DUSP29: variants seen among roughly 807,000 people sequenced by gnomAD.
The protein encoded by DUSP29 is dual specificity phosphatase 29, also known as atypical dual-specific protein phosphatase.
In DUSP29, 12 loss-of-function variants were observed where a neutral mutation model predicts 13.5. That is an observed-to-expected ratio of 0.89 (90% CI 0.57 to 1.44). The LOEUF is 1.44. DUSP29 is among the 40% of genes most tolerant of loss of function. The pLI, the probability that DUSP29 is intolerant of heterozygous loss-of-function variation, is 0.00. For synonymous variants in DUSP29, 134 were observed against 128.7 expected (o/e 1.04, Z -0.28); for missense variants, 308 against 301.1 (o/e 1.02, Z -0.17).
At chr10:75,055,157 A>G (rs1348685059) in intron 2 of DUSP29, among the ~76,000 whole-genome samples, 1 of 152,088 alleles carries the variant, frequency 6.6e-6, no homozygotes, top group Non-Finnish European at 1.5e-5. Context: ...CTTTCATTAT[A>G]GGAAATATTT....
At chr10:75,060,444 C>A (rs1319944659) in intron 1 of DUSP29, among the ~76,000 whole-genome samples, 1 of 150,298 alleles carries the variant, frequency 6.7e-6, no homozygotes, top group Non-Finnish European at 1.5e-5. Context: ...TCACTGCTCT[C>A]CTGGGCAACA....
intron 1 of DUSP29, among the ~76,000 whole-genome samples, chr10:75,068,136 T>TTATA (rs1488563960): frequency 6.6e-6 from 1 of 152,160 alleles, no homozygotes; most frequent in Non-Finnish European, 1.5e-5. Context: ...TTTTTAAAAA[T>TTATA]TATATACATA....
rs187214375 is a variant in DUSP29, at chr10:75,069,499, C to T, written c.-35+4070G>A. Among the ~76,000 whole-genome samples, 352 of 152,302 alleles carry T rather than the reference C, an allele frequency of 2.3e-3. 3 individuals carry two copies. Among genetic ancestry groups the T allele is most frequent in the African/African-American group, 8.2e-3 (341 of 41,558 alleles). ...CCTTGTTCGGGGAAGGGCAAGACTCCGCAGGTGCAGCCCTCACCATGGTCC... is the reference window on the plus strand; with the variant it reads ...CCTTGTTCGGGGAAGGGCAAGACTCTGCAGGTGCAGCCCTCACCATGGTCC... On this transcript the variant is annotated intron_variant, in intron 1 of 3. Coordinates refer to ENST00000338487, the MANE Select transcript of DUSP29 (RefSeq NM_001003892.3).
At chr10:75,065,162 A>G (rs1224391838) in intron 1 of DUSP29, among the ~76,000 whole-genome samples, 1 of 152,108 alleles carries the variant, frequency 6.6e-6, no homozygotes, top group Non-Finnish European at 1.5e-5. Flanking sequence ...ATGCTTTTTA[A>G]ACAAACAAAC....
At position 75,043,797 on chromosome 10, in the gene DUSP29, T is replaced by C. The variant is rs1446167717; in HGVS notation, c.421A>G (p.Ser141Gly). 2 of 1,611,886 alleles carry C rather than the reference T, an allele frequency of 1.2e-6. No individual in the cohort carries two copies. The highest frequency in any genetic ancestry group is 2.2e-5 in the South Asian group (2 of 91,048). The change falls in exon 3 of 4, where the codon AGT becomes GGT. Residue 141 changes from serine to glycine, a missense_variant and splice_region_variant. Transcript: ENST00000338487. ...CGGGGCGGGGCCGCGGGTCTCTTACTGTGGTCGTCGCTTAGCGCTCTGTCG... is the reference window on the plus strand; with the variant it reads ...CGGGGCGGGGCCGCGGGTCTCTTACCGTGGTCGTCGCTTAGCGCTCTGTCG... ...FIDRALSDDH[S>G]KILVHCVMGR...
chr10:75,038,178 G>A, intron 3 of DUSP29, 101 bp from the exon 4 acceptor site: 1 of 1,468,514 alleles, frequency 6.8e-7, no homozygotes, highest in Non-Finnish European at 9.1e-7. Context: ...CTCGCCCACA[G>A]AAAGTGACTC....
chr10:75,043,762 C>A (rs540839896), intron 3 of DUSP29, 35 bp downstream of exon 3: 1 of 1,237,192 alleles, frequency 8.1e-7, no homozygotes, highest in African/African-American at 3.1e-5. Context: ...CGGGGCGGGG[C>A]GGGGCCGATC....
chr10:75,057,611 A>T (rs940928232), intron 2 of DUSP29, among the ~76,000 whole-genome samples: 1 of 152,206 alleles, frequency 6.6e-6, no homozygotes, highest in East Asian at 1.9e-4. Context: ...TGCCTGGCAT[A>T]CAGTGTTCAA....
chr10:75,040,688 G>C (rs990437748), intron 3 of DUSP29, among the ~76,000 whole-genome samples: 1 of 152,178 alleles, frequency 6.6e-6, no homozygotes, highest in African/African-American at 2.4e-5. Flanking sequence ...AATCCCCGCT[G>C]GTAGGCAGGT....
At chr10:75,049,568 T>C (rs1043983459) in intron 2 of DUSP29, among the ~76,000 whole-genome samples, 3 of 152,240 alleles carry the variant, frequency 2.0e-5, no homozygotes, top group Admixed American at 2.0e-4. Flanking sequence ...TTGCCTTCAG[T>C]AGTTGGAAGT....
Position 75,043,973 on chromosome 10 carries a change from G to C in DUSP29, c.245C>G (p.Thr82Arg). 1 of 1,613,010 alleles carries C rather than the reference G, an allele frequency of 6.2e-7. No individual in the cohort carries two copies. The highest frequency in any genetic ancestry group is 8.5e-7 in the Non-Finnish European group (1 of 1,179,924). The stretch of plus-strand genomic sequence containing the variant: ...GCCGTGGGCCGCGTTCAGCACGTGC[G>C]TGAACCCCGCCTTCTGCAGCCTATA... ...DRYRLQKAGF[T>R]HVLNAAHGRW... Residue 82 changes from threonine to arginine, a missense_variant, in exon 3 of 4, where the codon ACG (threonine) becomes AGG (arginine). Transcript: ENST00000338487.
intron 2 of DUSP29, among the ~76,000 whole-genome samples, chr10:75,056,666 CAAA>C (rs1163559205): frequency 1.6e-5 from 2 of 125,180 alleles, no homozygotes; most frequent in Admixed American, 8.2e-5. Context: ...GACTCCATCT[CAAA>C]AAAAAAAAAA....
At chr10:75,044,300 C>A (rs1346945729) in intron 2 of DUSP29, among the ~76,000 whole-genome samples, 1 of 151,976 alleles carries the variant, frequency 6.6e-6, no homozygotes, top group Admixed American at 6.6e-5. Flanking sequence ...GTATACACAG[C>A]GGAACCTGGT....
intron 2 of DUSP29, among the ~76,000 whole-genome samples, chr10:75,056,544 G>A (rs1721990419): frequency 6.6e-6 from 1 of 151,732 alleles, no homozygotes; most frequent in South Asian, 2.1e-4. Context: ...GCGCATGCCT[G>A]TAATCCCAGC....
At chr10:75,066,239 G>C (rs1403083360) in intron 1 of DUSP29, among the ~76,000 whole-genome samples, 2 of 152,180 alleles carry the variant, frequency 1.3e-5, no homozygotes, top group Non-Finnish European at 2.9e-5. Context: ...AGGAGTTTCT[G>C]GGGGAGGAAT....
chr10:75,039,360 A>G (rs1846537395), intron 3 of DUSP29, among the ~76,000 whole-genome samples: 1 of 152,180 alleles, frequency 6.6e-6, no homozygotes, highest in South Asian at 2.1e-4. Context: ...CTCCATCTCT[A>G]CACAAAAATT....
intron 3 of DUSP29, among the ~76,000 whole-genome samples, chr10:75,042,930 TGAA>T (rs1407133480): frequency 7.9e-5 from 12 of 152,250 alleles, no homozygotes; most frequent in Admixed American, 7.8e-4. Context: ...GGAATTCCAC[TGAA>T]GTACACCCTG....
At chr10:75,051,618 A>G (rs1339616129) in intron 2 of DUSP29, among the ~76,000 whole-genome samples, 1 of 152,168 alleles carries the variant, frequency 6.6e-6, no homozygotes, top group East Asian at 1.9e-4. Flanking sequence ...CAGGACATCC[A>G]TCCTTACTCC....
At chr10:75,045,608 GAA>G (rs751955990) in intron 2 of DUSP29, among the ~76,000 whole-genome samples, 104 of 152,180 alleles carry the variant, frequency 6.8e-4, no homozygotes, top group Non-Finnish European at 1.4e-3. Flanking sequence ...GAGTTGGAGA[GAA>G]AGCGTTTCAT....
Sources: gnomAD v4.1 joint callset for allele counts (sites outside exome capture counted in the v4.1 genomes callset) on GRCh38, gnomAD v4.1.1 for gene constraint, MANE v1.5 for transcripts, NCBI Gene and HGNC (gene_info 2026-07-23, HGNC 2026-07-21) for gene names.